The following NDC80 variants were observed in gnomAD, a reference collection of about 807,000 sequenced individuals.
NDC80 encodes the protein kinetochore protein NDC80 homolog.
Under a neutral mutation model 89.3 loss-of-function variants are expected in NDC80, and 69 were observed. The observed-to-expected ratio is 0.77, with a 90% CI of 0.64 to 0.94. The LOEUF is 0.94. Among genes scored for constraint, NDC80 ranks in the 40% least tolerant of loss-of-function variants. NDC80 has a pLI of 0.00. For missense variants in NDC80, 593 were observed against 739.6 expected (o/e 0.80, Z 2.30); for synonymous variants, 243 against 255.6 (o/e 0.95, Z 0.47).
At chr18:2,579,416 A>G (rs2072564763) in intron 6 of NDC80, among the ~76,000 whole-genome samples, 1 of 152,002 alleles carries the variant, frequency 6.6e-6, no homozygotes, top group South Asian at 2.1e-4. Flanking sequence ...TTTCCTTGTG[A>G]TATTTTGTTT....
At chr18:2,607,851 A>C (rs1293512540) in intron 14 of NDC80, among the ~76,000 whole-genome samples, 3 of 149,052 alleles carry the variant, frequency 2.0e-5, no homozygotes, top group Non-Finnish European at 4.4e-5. Context: ...GTACCAAATT[A>C]TACATAGTTT....
intron 7 of NDC80, among the ~76,000 whole-genome samples, chr18:2,586,808 A>G (rs1598366653): frequency 6.6e-6 from 1 of 152,214 alleles, no homozygotes; most frequent in African/African-American, 2.4e-5. Context: ...TATTATAGCT[A>G]TTATTTCAAA....
intron 16 of NDC80, among the ~76,000 whole-genome samples, chr18:2,612,450 G>A (rs977357196): frequency 1.3e-5 from 2 of 151,626 alleles, no homozygotes; most frequent in South Asian, 4.2e-4. Context: ...CACCATGCCC[G>A]GCCAGTATTT....
chr18:2,589,145 G>A (rs974382221), intron 8 of NDC80, 59 bp from the exon 9 acceptor site: 1 of 1,117,526 alleles, frequency 8.9e-7, no homozygotes, highest in Non-Finnish European at 1.4e-6. Flanking sequence ...GTGAAAACTT[G>A]GGAAAGAATG....
intron 3 of NDC80, among the ~76,000 whole-genome samples, chr18:2,576,440 T>C (rs781083193): frequency 6.6e-6 from 1 of 152,262 alleles, no homozygotes; most frequent in African/African-American, 2.4e-5. Flanking sequence ...TGCTTCTGCA[T>C]TTAATCTGTT....
At chr18:2,603,069 G>A (rs548992676) in intron 13 of NDC80, among the ~76,000 whole-genome samples, 31 of 152,220 alleles carry the variant, frequency 2.0e-4, no homozygotes, top group East Asian at 1.9e-3. Context: ...AGGGTGTGGT[G>A]AGATGTTGAG....
chr18:2,600,090 C>T (rs999054914), intron 12 of NDC80, among the ~76,000 whole-genome samples: 1 of 152,156 alleles, frequency 6.6e-6, no homozygotes, highest in East Asian at 1.9e-4. Flanking sequence ...GCAGAGTTTG[C>T]TCACCACTGT....
chr18:2,573,505 T>C (rs1212867444), intron 2 of NDC80, among the ~76,000 whole-genome samples: 1 of 152,198 alleles, frequency 6.6e-6, no homozygotes, highest in African/African-American at 2.4e-5. Flanking sequence ...AGTAGCAGCC[T>C]ACAAAACACC....
intron 15 of NDC80, among the ~76,000 whole-genome samples, chr18:2,609,078 A>G (rs950752440): frequency 6.6e-5 from 10 of 152,154 alleles, no homozygotes; most frequent in African/African-American, 1.9e-4. Context: ...TAGTTAATAC[A>G]TGGCTTTTAA....
At chr18:2,608,935 C>T in intron 15 of NDC80, 105 bp downstream of exon 15, 2 of 1,235,894 alleles carry the variant, frequency 1.6e-6, no homozygotes, top group Admixed American at 4.9e-5. Flanking sequence ...TAGTATACAG[C>T]TATTTAGGAT....
At chr18:2,608,642 C>G (rs113731379) in intron 14 of NDC80, 58 bp from the exon 15 acceptor site, 1 of 1,514,484 alleles carries the variant, frequency 6.6e-7, no homozygotes, top group African/African-American at 1.4e-5. Flanking sequence ...TTAAATCCAC[C>G]TAGAGTATAC....
intron 3 of NDC80, among the ~76,000 whole-genome samples, chr18:2,576,494 G>A (rs1360694678): frequency 1.3e-5 from 2 of 152,166 alleles, no homozygotes; most frequent in Non-Finnish European, 2.9e-5. Context: ...AAACTCCACT[G>A]TACACTTGAG....
chr18:2,593,412 A>G (rs1170955771), intron 10 of NDC80, among the ~76,000 whole-genome samples: 2 of 152,204 alleles, frequency 1.3e-5, no homozygotes, highest in Non-Finnish European at 2.9e-5. Context: ...AAATAACCAC[A>G]TATCCCAAAG....
intron 11 of NDC80, among the ~76,000 whole-genome samples, chr18:2,596,281 C>T (rs1349842736): frequency 6.6e-6 from 1 of 152,020 alleles, no homozygotes; most frequent in African/African-American, 2.4e-5. Flanking sequence ...ACTCATCTGA[C>T]AAAGGGCTAA....
intron 13 of NDC80, among the ~76,000 whole-genome samples, chr18:2,605,880 T>C (rs1306337134): frequency 5.3e-5 from 8 of 152,148 alleles, no homozygotes; most frequent in African/African-American, 1.9e-4. Context: ...ACTTTTTTCT[T>C]TCAGTTTTGG....
chr18:2,608,785 A>G lies in NDC80; in HGVS notation c.1643A>G (p.Gln548Arg). The G allele has an allele frequency of 1.2e-6, 2 of 1,613,104 alleles. No individual in the cohort carries two copies. The highest frequency in any genetic ancestry group is 1.7e-6 in the Non-Finnish European group (2 of 1,179,230). Reference protein sequence around the residue: ...HKHLLESTVNQGLSEAMNELD... With the variant: ...HKHLLESTVNRGLSEAMNELD... ...CACCTGCTAGAAAGTACTGTTAACC[A>G]GGGGCTCAGTGAAGCTATGAATGAA... is the stretch of plus-strand genomic sequence containing the variant. The change falls in exon 15 of 17, where the codon CAG (glutamine) becomes CGG (arginine). Residue 548 changes from glutamine (Q) to arginine (R), a missense_variant. Physicochemically the swap from Gln to Arg is conservative, Grantham distance 43 (BLOSUM62 1). Coordinates refer to ENST00000261597, the MANE Select transcript of NDC80 (RefSeq NM_006101.3).
intron 13 of NDC80, among the ~76,000 whole-genome samples, chr18:2,602,430 A>T (rs10502303): frequency 6.6e-6 from 1 of 151,908 alleles, no homozygotes; most frequent in Admixed American, 6.6e-5. Context: ...TGTAATTCGC[A>T]GTTTCTAAAA....
At chr18:2,603,656 A>G (rs1435406037) in intron 13 of NDC80, among the ~76,000 whole-genome samples, 1 of 152,096 alleles carries the variant, frequency 6.6e-6, no homozygotes, top group Non-Finnish European at 1.5e-5. Context: ...AATAGTTTAT[A>G]GAGATGGTGG....
At chr18:2,601,600 GA>G (rs1412060630) in intron 13 of NDC80, 115 bp downstream of exon 13, 4 of 466,820 alleles carry the variant, frequency 8.6e-6, no homozygotes, top group Non-Finnish European at 3.8e-6. Context: ...ACAAAACTAT[GA>G]AAAAATGAGA....
Sources: allele counts gnomAD v4.1 joint callset (sites outside exome capture counted in the v4.1 genomes callset), GRCh38; gene constraint gnomAD v4.1.1; transcripts MANE v1.5; gene names NCBI Gene and HGNC (gene_info 2026-07-23, HGNC 2026-07-21).